ADRA1A: variants seen among roughly 807,000 people sequenced by gnomAD.
The protein encoded by ADRA1A is adrenoceptor alpha 1A.
In ADRA1A, 31 loss-of-function variants were observed where a neutral mutation model predicts 29.6. The observed-to-expected ratio is 1.05, with a 90% CI of 0.79 to 1.41. ADRA1A has a LOEUF of 1.41. ADRA1A is among the 40% of genes most tolerant of loss of function. The probability of loss-of-function intolerance (pLI) is 0.00; values close to 1 mark genes in which losing one functional copy is unlikely to be tolerated. For synonymous variants in ADRA1A, 311 were observed against 254.3 expected, an observed-to-expected ratio of 1.22 and a Z score of -2.12; for missense variants, 619 against 601.1, an observed-to-expected ratio of 1.03 and a Z score of -0.31.
intron 2 of ADRA1A, among the ~76,000 whole-genome samples, chr8:26,812,523 T>G (rs569447620): frequency 6.6e-6 from 1 of 152,156 alleles, no homozygotes; most frequent in East Asian, 1.9e-4. Flanking sequence ...CAGGAGATAG[T>G]TTTTGAGTGG....
intron 2 of ADRA1A, among the ~76,000 whole-genome samples, chr8:26,850,591 G>C (rs1812557612): frequency 6.6e-6 from 1 of 152,224 alleles, no homozygotes; most frequent in African/African-American, 2.4e-5. Flanking sequence ...TGCCTCCTGA[G>C]TTCAAGTGAT....
chr8:26,847,736 T>A (rs1367327329), intron 2 of ADRA1A, among the ~76,000 whole-genome samples: 2 of 152,194 alleles, frequency 1.3e-5, no homozygotes, highest in Non-Finnish European at 2.9e-5. Context: ...TCCTTCTCCT[T>A]TGAAAATACA....
intron 2 of ADRA1A, among the ~76,000 whole-genome samples, chr8:26,829,701 T>A (rs997816715): frequency 1.3e-5 from 2 of 152,160 alleles, no homozygotes; most frequent in Non-Finnish European, 2.9e-5. Context: ...GAGCACTCCC[T>A]GTATTTGGAG....
intron 2 of ADRA1A, among the ~76,000 whole-genome samples, chr8:26,818,178 C>T (rs920699715): frequency 4.2e-4 from 64 of 152,270 alleles, no homozygotes; most frequent in African/African-American, 1.5e-3. Context: ...GGTGGACAGA[C>T]GGTTTGACTA....
chr8:26,858,324 A>T (rs771495583), intron 2 of ADRA1A, among the ~76,000 whole-genome samples: 1 of 152,186 alleles, frequency 6.6e-6, no homozygotes, highest in Non-Finnish European at 1.5e-5. Flanking sequence ...TTGCCTTTTC[A>T]TCTTCTTTCC....
At chr8:26,830,012 C>T (rs1040727577) in intron 2 of ADRA1A, among the ~76,000 whole-genome samples, 4 of 152,032 alleles carry the variant, frequency 2.6e-5, no homozygotes, top group African/African-American at 4.8e-5. Context: ...GAAGGAATGT[C>T]GGATGTTTGA....
chr8:26,773,752 A>G (rs61760526), intron 2 of ADRA1A, among the ~76,000 whole-genome samples: 50 of 152,302 alleles, frequency 3.3e-4, no homozygotes, highest in Admixed American at 1.1e-3. Flanking sequence ...GTAAATCTCA[A>G]CATTTCCTTT....
At chr8:26,751,818 G>A (rs1804935774), downstream of ADRA1A, among the ~76,000 whole-genome samples, 1 of 152,154 alleles carries the variant, frequency 6.6e-6, no homozygotes, top group African/African-American at 2.4e-5. Flanking sequence ...GGTCCAATGA[G>A]GAAGCTTCTA....
chr8:26,800,957 G>A (rs1188104685), intron 2 of ADRA1A, among the ~76,000 whole-genome samples: 1 of 152,148 alleles, frequency 6.6e-6, no homozygotes, highest in Non-Finnish European at 1.5e-5. Context: ...TTCTAGGGAT[G>A]CAAGGATGGT....
intron 2 of ADRA1A, among the ~76,000 whole-genome samples, chr8:26,835,234 A>G (rs534618068): frequency 6.6e-6 from 1 of 152,318 alleles, no homozygotes; most frequent in South Asian, 2.1e-4. Context: ...TAACAAGACA[A>G]TCTTACATTT....
intron 2 of ADRA1A, among the ~76,000 whole-genome samples, chr8:26,850,025 C>CAAAAAAAAAAAAAAAAAAAACA (rs141672591): frequency 2.4e-4 from 29 of 121,472 alleles, no homozygotes; most frequent in South Asian, 5.3e-4. Context: ...GAGAGAAATG[C>CAAAAAAAAAAAAAAAAAAAACA]AAAAACAAAA....
intron 2 of ADRA1A, among the ~76,000 whole-genome samples, chr8:26,791,839 G>C (rs1356908947): frequency 2.0e-5 from 3 of 152,162 alleles, no homozygotes; most frequent in African/African-American, 7.2e-5. Flanking sequence ...GTTCAGTGAG[G>C]CTGGGTGCCA....
At chr8:26,758,903 T>A (rs1805352081) in intron 2 of ADRA1A, among the ~76,000 whole-genome samples, 1 of 152,252 alleles carries the variant, frequency 6.6e-6, no homozygotes. Flanking sequence ...GGGAAAATTT[T>A]TTTTTGTAAT....
At position 26,841,522 on chromosome 8, in the gene ADRA1A, A is replaced by G. The variant is rs1481486595; in HGVS notation, c.883+22565T>C. Among the ~76,000 whole-genome samples the G allele has an allele frequency of 6.6e-6, 1 of 152,180 alleles. No individual in the cohort carries two copies. Among genetic ancestry groups the G allele is most frequent in the Non-Finnish European group, 1.5e-5 (1 of 68,026 alleles). On this transcript the variant is annotated intron_variant, in intron 2 of 2. Coordinates refer to ENST00000380573, the MANE Select transcript of ADRA1A (RefSeq NM_000680.4). This position sits in a 1 kb window ranked among gnomAD's most constrained non-coding sequence, Gnocchi z 4.4. ...TTTCTTGGAAAAAAACAAAAACAAAATTGGACCCTTGGTGGAGCCCTTGAT... is the reference window on the plus strand; with the variant it reads ...TTTCTTGGAAAAAAACAAAAACAAAGTTGGACCCTTGGTGGAGCCCTTGAT...
At chr8:26,760,292 A>G (rs1805432953) in intron 2 of ADRA1A, among the ~76,000 whole-genome samples, 1 of 152,158 alleles carries the variant, frequency 6.6e-6, no homozygotes, top group Admixed American at 6.5e-5. Context: ...ATGCCCTGAG[A>G]CCAGGCAGAG....
intron 2 of ADRA1A, among the ~76,000 whole-genome samples, chr8:26,778,643 A>T (rs1806722821): frequency 6.6e-6 from 1 of 152,140 alleles, no homozygotes. Context: ...TGTCCTTTGT[A>T]GGGACATGGA....
chr8:26,765,954 T>G, downstream of ADRA1A: 1 of 1,154,452 alleles, frequency 8.7e-7, no homozygotes, highest in Admixed American at 3.1e-5. Context: ...GGATATCCAG[T>G]TTTCACTTAG....
intron 2 of ADRA1A, among the ~76,000 whole-genome samples, chr8:26,824,237 A>G (rs1810382548): frequency 6.6e-6 from 1 of 152,104 alleles, no homozygotes. Flanking sequence ...CGAACAGTTT[A>G]AGCAAGCAAG....
rs1585872841 is a variant in ADRA1A at position 26,865,631 on chromosome 8, C to T, written c.-662G>A. On this transcript the variant is annotated 5_prime_UTR_variant, in exon 2 of 3. Transcript: ENST00000380573. This position sits in a 1 kb window ranked among gnomAD's most constrained non-coding sequence, Gnocchi z 7.6. ...ATATGTGCTGAGACCCAGGAGGCTGCGGGGCATCGTTTGACCGCGTCCACC... is the reference window on the plus strand; with the variant it reads ...ATATGTGCTGAGACCCAGGAGGCTGTGGGGCATCGTTTGACCGCGTCCACC... The T allele has an allele frequency of 2.0e-6, 2 of 986,008 alleles. 1 individual carries two copies. The highest frequency in any genetic ancestry group is 3.5e-5 in the African/African-American group (2 of 57,356). 61.1% of individuals were successfully genotyped at this position (986,008 alleles called of 1,614,324 possible).
Sources: gnomAD v4.1 joint callset for allele counts (sites outside exome capture counted in the v4.1 genomes callset) on GRCh38, gnomAD v4.1.1 for gene constraint, Gnocchi (gnomAD v3.1) non-coding constraint, MANE v1.5 for transcripts, NCBI Gene and HGNC (gene_info 2026-07-23, HGNC 2026-07-21) for gene names.